Variants in RBFOX2 observed in about 807,000 individuals in gnomAD.
RBFOX2 encodes the protein RNA binding fox-1 homolog 2.
A neutral mutation model predicts 49.1 loss-of-function variants in RBFOX2; 10 were observed. The ratio of observed to expected loss-of-function variants is 0.20; its 90% CI spans 0.13 to 0.35. The LOEUF (loss-of-function observed/expected upper bound fraction) is 0.35, where lower values mean the gene tolerates loss of function less well. RBFOX2 is among the 10% of genes least tolerant of loss of function. The pLI, the probability that RBFOX2 is intolerant of heterozygous loss-of-function variation, is 1.00. For missense variants in RBFOX2, 323 were observed against 486.9 expected (o/e 0.66, Z 3.17); for synonymous variants, 183 against 187.4 (o/e 0.98, Z 0.19).
At chr22:35,786,196 G>C (rs1430226984) in intron 2 of RBFOX2, among the ~76,000 whole-genome samples, 1 of 152,176 alleles carries the variant, frequency 6.6e-6, no homozygotes, top group East Asian at 1.9e-4. Flanking sequence ...TGTTGCCCAA[G>C]GTGCTTATCT....
At chr22:36,006,323 C>A (rs769811670) in intron 1 of RBFOX2, among the ~76,000 whole-genome samples, 2 of 152,136 alleles carry the variant, frequency 1.3e-5, no homozygotes, top group Non-Finnish European at 2.9e-5. Context: ...TGTGTCCATG[C>A]GGCACTCAAC....
intron 1 of RBFOX2, among the ~76,000 whole-genome samples, chr22:36,018,139 C>A (rs991401739): frequency 1.3e-5 from 2 of 152,186 alleles, no homozygotes; most frequent in Non-Finnish European, 2.9e-5. Flanking sequence ...ACTACTTGGG[C>A]CCAGGCATGG....
chr22:35,960,323 C>T (rs1399036327), intron 1 of RBFOX2, among the ~76,000 whole-genome samples: 1 of 152,122 alleles, frequency 6.6e-6, no homozygotes, highest in Admixed American at 6.5e-5. Context: ...CATGAGGAAG[C>T]CAACGCACCA....
intron 1 of RBFOX2, among the ~76,000 whole-genome samples, chr22:36,016,373 G>C (rs2059036595): frequency 6.6e-6 from 1 of 151,886 alleles, no homozygotes; most frequent in African/African-American, 2.4e-5. Context: ...CCAATCCCCA[G>C]AGCTAGGAGA....
chr22:35,753,419 C>T (rs1051564982), intron 9 of RBFOX2, among the ~76,000 whole-genome samples: 3 of 152,188 alleles, frequency 2.0e-5, no homozygotes, highest in Non-Finnish European at 1.5e-5. Context: ...AGTATTCTTG[C>T]TTTTCATGTA....
chr22:35,970,726 T>A (rs1214579684), intron 1 of RBFOX2, among the ~76,000 whole-genome samples: 1 of 152,134 alleles, frequency 6.6e-6, no homozygotes, highest in Non-Finnish European at 1.5e-5. Context: ...GGACACAAAG[T>A]ATGAAGAGGT....
Position 35,830,254 on chromosome 22 carries a change from C to T in RBFOX2, c.27+9938G>A, listed in dbSNP as rs148761514. ...AAGAAACTATAGTCTGATGGAAAAACACAGAAATATACTCACAATTATAGT... is the reference window on the plus strand; with the variant it reads ...AAGAAACTATAGTCTGATGGAAAAATACAGAAATATACTCACAATTATAGT... On this transcript the variant is annotated intron_variant, in intron 1 of 11. Transcript: ENST00000405409. Among the ~76,000 whole-genome samples the T allele has an allele frequency of 6.8e-3, 1,031 of 152,268 alleles. 3 individuals are homozygous for T. Among genetic ancestry groups the T allele is most frequent in the Middle Eastern group, 0.014 (4 of 294 alleles).
At chr22:35,847,747 G>A (rs1442806960) in intron 1 of RBFOX2, among the ~76,000 whole-genome samples, 7 of 151,924 alleles carry the variant, frequency 4.6e-5, no homozygotes, top group Admixed American at 6.6e-5. Flanking sequence ...TCTAAACGAC[G>A]TTAATTTCAG....
At chr22:35,883,896 C>T (rs1375092602) in intron 1 of RBFOX2, among the ~76,000 whole-genome samples, 1 of 151,358 alleles carries the variant, frequency 6.6e-6, no homozygotes, top group Non-Finnish European at 1.5e-5. Context: ...TAATCTTATA[C>T]TAACACTCTC....
chr22:35,846,206 CTATA>C (rs953229795), intron 1 of RBFOX2, among the ~76,000 whole-genome samples: 2 of 148,954 alleles, frequency 1.3e-5, no homozygotes, highest in Non-Finnish European at 3.0e-5. Flanking sequence ...ATTACATAAA[CTATA>C]TAAGTATAAA....
intron 1 of RBFOX2, among the ~76,000 whole-genome samples, chr22:35,853,965 C>G (rs1344648853): frequency 6.6e-6 from 1 of 152,138 alleles, no homozygotes; most frequent in African/African-American, 2.4e-5. Flanking sequence ...AATCTCAGCA[C>G]TTTGGGAGGC....
chr22:35,996,217 T>A (rs1316044819), intron 1 of RBFOX2: 4 of 152,190 alleles, frequency 2.6e-5, no homozygotes, highest in African/African-American at 9.7e-5. Flanking sequence ...CCTGAGATCA[T>A]TATCCAATCT....
At chr22:35,822,827 CT>C (rs57822436) in intron 1 of RBFOX2, 94,257 of 362,322 alleles carry the variant, frequency 0.26, 4,295 homozygotes, top group African/African-American at 0.43. Context: ...TTTGGGTTGT[CT>C]TTTTTTTTTT....
chr22:35,908,985 G>A (rs2049449216), intron 1 of RBFOX2, among the ~76,000 whole-genome samples: 1 of 152,036 alleles, frequency 6.6e-6, no homozygotes, highest in African/African-American at 2.4e-5. Flanking sequence ...TGGGACTACA[G>A]GCGCCCGCCA....
rs192929577 is a variant in RBFOX2, at chr22:35,837,335, A to G, written c.27+2857T>C. Reference sequence around the variant, plus strand: ...TGAAGATGCAAAGAACCTAAGTAGCAAAACAGTGAAAACACATCCATACAT... The same window carrying G: ...TGAAGATGCAAAGAACCTAAGTAGCGAAACAGTGAAAACACATCCATACAT... On this transcript the variant is annotated intron_variant, in intron 1 of 11. Coordinates refer to ENST00000405409, the Ensembl canonical transcript of RBFOX2. 2.5e-4 allele frequency among the ~76,000 whole-genome samples: 38 copies of G among 152,284 alleles called. No individual in the cohort carries two copies. The East Asian group carries it at 4.4e-3, about 18-fold the overall frequency.
chr22:36,019,026 G>A (rs983544277), intron 1 of RBFOX2, among the ~76,000 whole-genome samples: 5 of 152,108 alleles, frequency 3.3e-5, no homozygotes, highest in Non-Finnish European at 7.4e-5. Flanking sequence ...AATTTCCATA[G>A]ACAAAATGAG....
In RBFOX2 at chr22:35,829,412, A is replaced by G. The variant is rs566120103; in HGVS notation, c.27+10780T>C. Among the ~76,000 whole-genome samples the G allele has an allele frequency of 8.5e-5, 13 of 152,238 alleles. No homozygotes were observed. In the South Asian group the frequency reaches 2.5e-3, roughly 29 times the overall value. The stretch of plus-strand genomic sequence containing the variant: ...TGCTAAGAGACATGAGAGGTGTGAA[A>G]AAGACCTACATAAAAATTCTAGAGA... On this transcript the variant is annotated intron_variant, in intron 1 of 11. Coordinates refer to ENST00000405409, the Ensembl canonical transcript of RBFOX2.
In RBFOX2 at chr22:35,881,732, G is replaced by A. The variant is rs1045913258; in HGVS notation, c.-34+57115C>T. Among the ~76,000 whole-genome samples, 212 of 152,128 alleles carry A rather than the reference G, an allele frequency of 1.4e-3. 3 individuals are homozygous for A. Among genetic ancestry groups the A allele is most frequent in the Non-Finnish European group, 3.4e-4 (23 of 68,000 alleles). ...TCCCAGCACTTTGGGAGGCCGAGGC[G>A]GGTGGATCATGAGGTCAGGAGTTCG... is the stretch of plus-strand genomic sequence containing the variant. On this transcript the variant is annotated intron_variant, in intron 1 of 13. Coordinates refer to the RBFOX2 transcript ENST00000359369.
At chr22:35,743,759 C>T (rs1260291732) in exon 12 of RBFOX2, 3 of 153,782 alleles carry the variant, frequency 2.0e-5, no homozygotes, top group African/African-American at 7.2e-5. Flanking sequence ...ATCTCTTCCA[C>T]TTCTGCTTGT....
Sources: gnomAD v4.1 joint callset for allele counts (sites outside exome capture counted in the v4.1 genomes callset) on GRCh38, gnomAD v4.1.1 for gene constraint, MANE v1.5 for transcripts, NCBI Gene and HGNC (gene_info 2026-07-23, HGNC 2026-07-21) for gene names.